Variants in FOXP2 observed in about 807,000 individuals in gnomAD.
The protein encoded by FOXP2 is forkhead box protein P2.
In FOXP2, 12 loss-of-function variants were observed where a neutral mutation model predicts 115.8. The observed-to-expected ratio is 0.10, with a 90% CI of 0.07 to 0.17. The LOEUF is 0.17. Among genes scored for constraint, FOXP2 ranks in the 10% least tolerant of loss-of-function variants. The pLI is 1.00. For missense variants in FOXP2, 629 were observed against 843.5 expected (o/e 0.75, Z 3.15); for synonymous variants, 328 against 297.7 (o/e 1.10, Z -1.05).
intron 3 of FOXP2, among the ~76,000 whole-genome samples, chr7:114,626,299 T>C (rs916144917): frequency 6.6e-6 from 1 of 151,830 alleles, no homozygotes; most frequent in Admixed American, 6.6e-5. Context: ...TACAGTCATA[T>C]TATATGTATA....
At chr7:114,254,789 A>G (rs1795560016) in intron 1 of FOXP2, among the ~76,000 whole-genome samples, 1 of 152,196 alleles carries the variant, frequency 6.6e-6, no homozygotes, top group Non-Finnish European at 1.5e-5. Context: ...TTCTTCTCTC[A>G]ACTCGTCAAA....
chr7:114,603,823 A>C (rs1355702750), intron 3 of FOXP2, among the ~76,000 whole-genome samples: 1 of 152,226 alleles, frequency 6.6e-6, no homozygotes, highest in Non-Finnish European at 1.5e-5. Flanking sequence ...AAATAGCCTT[A>C]AAAAACGAAA....
chr7:114,454,376 C>T (rs1423548254), intron 2 of FOXP2, among the ~76,000 whole-genome samples: 1 of 151,996 alleles, frequency 6.6e-6, no homozygotes. Context: ...ACAACAGGTG[C>T]TGGAGAGGAT....
intron 1 of FOXP2, among the ~76,000 whole-genome samples, chr7:114,190,623 T>C (rs1459912763): frequency 1.3e-5 from 2 of 152,206 alleles, no homozygotes; most frequent in Non-Finnish European, 2.9e-5. Context: ...AGACATATTC[T>C]GTTTCTCTAG....
In FOXP2 at chr7:114,331,140, A is replaced by G. The variant is rs187675417; in HGVS notation, c.-11+43031A>G. Among the ~76,000 whole-genome samples, 410 of 152,320 alleles carry G rather than the reference A, an allele frequency of 2.7e-3. 1 individual carries two copies. Among genetic ancestry groups the G allele is most frequent in the Non-Finnish European group, 4.2e-3 (285 of 68,020 alleles). On this transcript the variant is annotated intron_variant, in intron 2 of 17. Coordinates refer to the FOXP2 transcript ENST00000634411. ...GTACAAATCTGAGCAAAACAACCTTATAAAATACTTTTTGATAAATAAGAC... is the reference window on the plus strand; with the variant it reads ...GTACAAATCTGAGCAAAACAACCTTGTAAAATACTTTTTGATAAATAAGAC...
intron 1 of FOXP2, among the ~76,000 whole-genome samples, chr7:114,114,720 T>C (rs1343023438): frequency 1.3e-5 from 2 of 152,184 alleles, no homozygotes; most frequent in Non-Finnish European, 2.9e-5. Context: ...TAGCTCCACC[T>C]TGCCTTATAG....
intron 2 of FOXP2, among the ~76,000 whole-genome samples, chr7:114,296,141 T>C (rs1166804384): frequency 6.6e-6 from 1 of 152,230 alleles, no homozygotes; most frequent in African/African-American, 2.4e-5. Context: ...GGTTTTTCAG[T>C]ACAATTAAAT....
intron 2 of FOXP2, among the ~76,000 whole-genome samples, chr7:114,360,522 T>C (rs1412362981): frequency 2.0e-5 from 3 of 152,162 alleles, no homozygotes; most frequent in African/African-American, 7.2e-5. Flanking sequence ...TATTATTATA[T>C]CACTAAGTCA....
intron 1 of FOXP2, among the ~76,000 whole-genome samples, chr7:114,421,508 TG>T (rs1442684699): frequency 6.6e-6 from 1 of 151,608 alleles, no homozygotes; most frequent in African/African-American, 2.4e-5. Flanking sequence ...TTTACTAAAG[TG>T]TTTTTTTTTC....
intron 2 of FOXP2, among the ~76,000 whole-genome samples, chr7:114,482,433 T>A (rs962027698): frequency 7.9e-5 from 12 of 151,648 alleles, no homozygotes; most frequent in African/African-American, 2.4e-4. Flanking sequence ...TGAGATTTTT[T>A]AAATCAATTT....
chr7:114,132,990 A>C (rs1354592211), intron 1 of FOXP2, among the ~76,000 whole-genome samples: 3 of 152,176 alleles, frequency 2.0e-5, no homozygotes, highest in African/African-American at 7.2e-5. Context: ...AGAGGTAGGG[A>C]TGAAGGCAGG....
At chr7:114,113,234 G>A (rs570058452) in intron 1 of FOXP2, among the ~76,000 whole-genome samples, 1 of 152,206 alleles carries the variant, frequency 6.6e-6, no homozygotes, top group East Asian at 1.9e-4. Flanking sequence ...AAGACCAAAT[G>A]TGAAATAGAG....
chr7:114,152,812 C>G (rs1223770073), intron 1 of FOXP2, among the ~76,000 whole-genome samples: 3 of 151,968 alleles, frequency 2.0e-5, no homozygotes, highest in Non-Finnish European at 4.4e-5. Flanking sequence ...TTTGACATGC[C>G]CAGAAGCTAC....
At chr7:114,659,732 G>A in intron 13 of FOXP2, 59 bp downstream of exon 13, 2 of 1,324,774 alleles carry the variant, frequency 1.5e-6, no homozygotes, top group South Asian at 1.2e-5. Context: ...GATAGCACAA[G>A]GAACATTTAT....
In FOXP2 at chr7:114,597,553, T is replaced by A. The variant is rs541891638; in HGVS notation, c.259-30987T>A. Among the ~76,000 whole-genome samples, 59 of 152,230 alleles carry A rather than the reference T, an allele frequency of 3.9e-4. 1 individual carries two copies. Among genetic ancestry groups the A allele is most frequent in the African/African-American group, 1.4e-3 (57 of 41,558 alleles). ...CCATAAATGCCAGCAAAATGACAAC[T>A]ACATTTCATCAGTAAGCCAATGTGC... On this transcript the variant is annotated intron_variant, in intron 3 of 16. Coordinates refer to ENST00000350908, the MANE Select transcript of FOXP2 (RefSeq NM_014491.4).
intron 2 of FOXP2, among the ~76,000 whole-genome samples, chr7:114,326,774 G>A (rs1276421224): frequency 6.6e-6 from 1 of 152,140 alleles, no homozygotes; most frequent in Non-Finnish European, 1.5e-5. Flanking sequence ...ATTACCTACT[G>A]TAGTCACAGG....
chr7:114,578,711 A>G (rs1453422562), intron 3 of FOXP2, among the ~76,000 whole-genome samples: 1 of 152,130 alleles, frequency 6.6e-6, no homozygotes, highest in Non-Finnish European at 1.5e-5. Flanking sequence ...TAAAATTACC[A>G]TTCATATTAC....
Position 114,376,893 on chromosome 7 carries a change from G to C in FOXP2, c.-10-49609G>C, listed in dbSNP as rs145988591. Among the ~76,000 whole-genome samples, 52 of 152,256 alleles carry C rather than the reference G, an allele frequency of 3.4e-4. No homozygotes were observed. In the East Asian group the frequency reaches 9.2e-3, roughly 27 times the overall value. On this transcript the variant is annotated intron_variant, in intron 2 of 17. Transcript: ENST00000634411. The stretch of plus-strand genomic sequence containing the variant: ...GTGAGGTGGAGTCAAATTATGAAAG[G>C]CCTCTTTTTTATAGACGTGAGTTTA...
upstream of FOXP2, among the ~76,000 whole-genome samples, chr7:114,160,571 A>G (rs1792801018): frequency 6.6e-6 from 1 of 152,178 alleles, no homozygotes. Context: ...ACATAGTTCT[A>G]GTTGTTAATG....
Sources: allele counts gnomAD v4.1 joint callset (sites outside exome capture counted in the v4.1 genomes callset), GRCh38; gene constraint gnomAD v4.1.1; transcripts MANE v1.5; gene names NCBI Gene and HGNC (gene_info 2026-07-23, HGNC 2026-07-21).